DNAJC16: variants seen among roughly 807,000 people sequenced by gnomAD.
DNAJC16 encodes dnaJ homolog subfamily C member 16.
A neutral mutation model predicts 92.7 loss-of-function variants in DNAJC16; 76 were observed. That is an observed-to-expected ratio of 0.82 (90% confidence interval 0.68 to 0.99). DNAJC16 has a LOEUF of 0.99. Among genes scored for constraint, DNAJC16 ranks in the 50% least tolerant of loss-of-function variants. The pLI is 0.00. For missense variants in DNAJC16, 869 were observed against 942.4 expected (o/e 0.92, Z 1.02); for synonymous variants, 328 against 358.7 (o/e 0.91, Z 0.97).
In DNAJC16 at chr1:15,552,388, C is replaced by T. The variant is rs989292963; in HGVS notation, c.1023+3960C>T. On this transcript the variant is annotated intron_variant, in intron 7 of 14. Transcript: ENST00000375847. ...CCTGTAGTCCCAGCTATTCGGGAGGCGGAGGCAGAAGAATCACTTGAACCT... is the reference window on the plus strand; with the variant it reads ...CCTGTAGTCCCAGCTATTCGGGAGGTGGAGGCAGAAGAATCACTTGAACCT... Among the ~76,000 whole-genome samples the T allele has an allele frequency of 4.0e-5, 6 of 151,756 alleles. No individual in the cohort carries two copies. The East Asian group carries it at 7.8e-4, about 20-fold the overall frequency.
chr1:15,536,070 T>G (rs2103405465), intron 3 of DNAJC16, among the ~76,000 whole-genome samples: 1 of 78,192 alleles, frequency 1.3e-5, no homozygotes, highest in South Asian at 3.2e-4. Context: ...TTCTTTTCTT[T>G]TCTTTTTTTT....
At chr1:15,540,985 T>C (rs1710919367) in intron 4 of DNAJC16, among the ~76,000 whole-genome samples, 1 of 152,162 alleles carries the variant, frequency 6.6e-6, no homozygotes, top group Non-Finnish European at 1.5e-5. Context: ...TGTGGTCAGC[T>C]AGAACTAGAT....
intron 6 of DNAJC16, among the ~76,000 whole-genome samples, chr1:15,547,612 T>A (rs1408139328): frequency 1.3e-5 from 2 of 151,590 alleles, no homozygotes; most frequent in African/African-American, 4.9e-5. Context: ...TCGGCTAATT[T>A]TTGTGTTTTA....
At chr1:15,558,193 T>TC (rs200453368) in intron 7 of DNAJC16, among the ~76,000 whole-genome samples, 17,943 of 112,054 alleles carry the variant, frequency 0.16, 1,149 homozygotes, top group African/African-American at 0.27. Context: ...TTTTTTTTTT[T>TC]TTCTTGAGAC....
chr1:15,536,422 A>C, intron 3 of DNAJC16, 53 bp from the exon 4 acceptor site: 1 of 1,433,322 alleles, frequency 7.0e-7, no homozygotes, highest in Non-Finnish European at 9.3e-7. Flanking sequence ...CTTACAAAAA[A>C]GTCTTTTGGA....
chr1:15,564,242 C>T (rs753474280), intron 10 of DNAJC16, 41 bp from the exon 11 acceptor site: 91 of 1,533,522 alleles, frequency 5.9e-5, no homozygotes, highest in Non-Finnish European at 7.7e-5. Flanking sequence ...CTCTCCCTTC[C>T]GGCTTTAGTC....
Position 15,568,662 on chromosome 1 carries a change from C to G in DNAJC16, c.*485C>G. On this transcript the variant is annotated 3_prime_UTR_variant, in exon 15 of 15. Coordinates refer to ENST00000375847, the MANE Select transcript of DNAJC16 (RefSeq NM_015291.4). ...AACAACCCACGGCAGCTTCTAGCCC[C>G]GCATCTGGAAAAAGGCCCCTTTCCA... 1 of 399,152 alleles carries G rather than the reference C, an allele frequency of 2.5e-6. No individual in the cohort carries two copies. Among genetic ancestry groups the G allele is most frequent in the Non-Finnish European group, 4.4e-6 (1 of 226,492 alleles). 24.7% of individuals were successfully genotyped at this position (399,152 alleles called of 1,614,324 possible). A position where few individuals can be genotyped will look rare whatever the true frequency, so the allele number is the denominator to read the frequency against.
intron 1 of DNAJC16, 24 bp from the exon 2 acceptor site, chr1:15,529,064 T>C (rs1161449483): frequency 2.5e-6 from 4 of 1,605,838 alleles, no homozygotes; most frequent in Non-Finnish European, 3.4e-6. Context: ...CCACTGAAAC[T>C]CATTGCCTCT....
Position 15,570,801 on chromosome 1 carries a change from GC to G in DNAJC16, c.*2626del, listed in dbSNP as rs1254919146. ...GTTTACTTTTGCGTCAAACATATGA[GC>G]CATTGTCATGCTCAGCCTGTGCCAC... On this transcript the variant is annotated 3_prime_UTR_variant, in exon 15 of 15. Transcript: ENST00000375847. 1 of 152,196 alleles carries G rather than the reference GC, an allele frequency of 6.6e-6. No individual in the cohort carries two copies. The highest frequency in any genetic ancestry group is 2.4e-5 in the African/African-American group (1 of 41,444). 9.4% of individuals were successfully genotyped at this position (152,196 alleles called of 1,614,324 possible).
chr1:15,544,086 A>G lies in DNAJC16; in HGVS notation c.575-313A>G, dbSNP rs74054775. ...ATATATGGTTGGATGAAAGAACAAGAAAAGTTGTTCAAGTATTAAGTGAAA... is the reference window on the plus strand; with the variant it reads ...ATATATGGTTGGATGAAAGAACAAGGAAAGTTGTTCAAGTATTAAGTGAAA... On this transcript the variant is annotated intron_variant, in intron 4 of 14. Coordinates refer to ENST00000375847, the MANE Select transcript of DNAJC16 (RefSeq NM_015291.4). 7.0e-3 allele frequency among the ~76,000 whole-genome samples: 1,060 copies of G among 151,904 alleles called. 11 individuals are homozygous for G. Among genetic ancestry groups the G allele is most frequent in the African/African-American group, 0.024 (1,004 of 41,372 alleles).
rs920973523 is a variant in DNAJC16, at chr1:15,571,313, G to T, written c.*3136G>T. On this transcript the variant is annotated 3_prime_UTR_variant, in exon 15 of 15. Transcript: ENST00000375847. ...TCTGTTATAAAAAGAAGTGTGATCT[G>T]TTTTTTTAGTGATTTCCTTTGTTTG... is the stretch of plus-strand genomic sequence containing the variant. 11 of 152,308 alleles carry T rather than the reference G, an allele frequency of 7.2e-5. No individual in the cohort carries two copies. The highest frequency in any genetic ancestry group is 6.6e-5 in the Admixed American group (1 of 15,266). 9.4% of individuals were successfully genotyped at this position (152,308 alleles called of 1,614,324 possible). A position where few individuals can be genotyped will look rare whatever the true frequency, so the allele number is the denominator to read the frequency against.
Position 15,546,846 on chromosome 1 carries a change from C to T in DNAJC16, c.839C>T (p.Thr280Met), listed in dbSNP as rs773532978. The change falls in exon 6 of 15, where the codon ACG becomes ATG. Residue 280 changes from threonine to methionine, a missense_variant. Thr to Met is a moderately conservative substitution (Grantham distance 81). Coordinates refer to ENST00000375847, the MANE Select transcript of DNAJC16 (RefSeq NM_015291.4). ...NKPHVLLFDQ[T>M]PIVPLLYKLT... The stretch of plus-strand genomic sequence containing the variant: ...CCTCATGTCCTTCTGTTTGACCAAA[C>T]GCCCATTGTGCCACTGTTATACAAG... 26 of 1,613,178 alleles carry T rather than the reference C, an allele frequency of 1.6e-5. No homozygotes were observed. The highest frequency in any genetic ancestry group is 1.9e-5 in the Non-Finnish European group (23 of 1,179,708).
At position 15,567,255 on chromosome 1, in the gene DNAJC16, C is replaced by T. The variant is rs752725156; in HGVS notation, c.1935C>T (p.Val645=). 2 of 1,613,670 alleles carry T rather than the reference C, an allele frequency of 1.2e-6. No individual in the cohort carries two copies. Among genetic ancestry groups the T allele is most frequent in the Non-Finnish European group, 1.7e-6 (2 of 1,179,692 alleles). The change falls in exon 14 of 15, where the codon GTC becomes GTT. Residue 645 remains valine (V), a synonymous_variant. Coordinates refer to ENST00000375847, the MANE Select transcript of DNAJC16 (RefSeq NM_015291.4). ...TACTACAGAAATTTGCTTTGGAGGT[C>T]TACACATTTACTGGGTAAGCATGTG... ...TSLLQKFALE[V]YTFTGSSCLH...
In DNAJC16 at chr1:15,529,149, T is replaced by C. The variant is rs765602702; in HGVS notation, c.44T>C (p.Val15Ala). ...AGCATTTCCTGGCAGTTCTTGATAG[T>C]TCTGGTTCTGATCCTGCAAATTCTG... is the stretch of plus-strand genomic sequence containing the variant. Reference protein sequence around the residue: ...KLSISWQFLIVLVLILQILSA... With the variant: ...KLSISWQFLIALVLILQILSA... The change falls in exon 2 of 15, where the codon GTT becomes GCT. Residue 15 changes from valine (V) to alanine (A), a missense_variant. By Grantham distance (64) the Val-to-Ala change is moderately conservative. Coordinates refer to ENST00000375847, the MANE Select transcript of DNAJC16 (RefSeq NM_015291.4). The C allele has an allele frequency of 3.1e-6, 5 of 1,614,004 alleles. No homozygotes were observed. The South Asian group carries it at 4.4e-5, about 14-fold the overall frequency.
intron 5 of DNAJC16, 111 bp from the exon 6 acceptor site, chr1:15,546,656 A>T (rs997863670): frequency 3.9e-5 from 31 of 794,562 alleles, no homozygotes; most frequent in Non-Finnish European, 5.5e-5. Flanking sequence ...CTGCATTTTT[A>T]TTTTTTGCAA....
Position 15,571,154 on chromosome 1 carries a change from A to G in DNAJC16, c.*2977A>G, listed in dbSNP as rs187102849. On this transcript the variant is annotated 3_prime_UTR_variant, in exon 15 of 15. Coordinates refer to ENST00000375847, the MANE Select transcript of DNAJC16 (RefSeq NM_015291.4). ...GGCCATGGTCTCACTGCCATCACTT[A>G]TTAGCCATGAGAATTTGGTTGTAGT... The G allele has an allele frequency of 2.0e-5, 3 of 152,254 alleles. No individual in the cohort carries two copies. In the East Asian group the frequency reaches 5.8e-4, roughly 29 times the overall value. The allele number at this position is 152,254 out of a possible 1,614,324, so 9.4% of individuals were successfully genotyped here. A position where few individuals can be genotyped will look rare whatever the true frequency, so the allele number is the denominator to read the frequency against.
At chr1:15,554,728 T>A (rs929539727) in intron 7 of DNAJC16, among the ~76,000 whole-genome samples, 2 of 152,168 alleles carry the variant, frequency 1.3e-5, no homozygotes, top group African/African-American at 4.8e-5. Flanking sequence ...CTTACTGGTG[T>A]CTTATTGGGT....
Position 15,559,670 on chromosome 1 carries a change from G to T in DNAJC16, c.1154+14G>T. The T allele has an allele frequency of 3.7e-6, 6 of 1,612,208 alleles. 1 individual carries two copies. Among genetic ancestry groups the T allele is most frequent in the South Asian group, 2.2e-5 (2 of 90,846 alleles). On this transcript the variant is annotated intron_variant, in intron 8 of 14. Coordinates refer to ENST00000375847, the MANE Select transcript of DNAJC16 (RefSeq NM_015291.4). Reference sequence around the variant, plus strand: ...TCGACAGAGGAAGTAAGGACTTAAGGCTTTGCCTCTGCTTGTTATTACAAT... The same window carrying T: ...TCGACAGAGGAAGTAAGGACTTAAGTCTTTGCCTCTGCTTGTTATTACAAT...
chr1:15,548,351 C>A lies in DNAJC16; in HGVS notation c.946C>A (p.Arg316=). The A allele has an allele frequency of 6.2e-7, 1 of 1,614,028 alleles. No homozygotes were observed. The highest frequency in any genetic ancestry group is 1.1e-5 in the South Asian group (1 of 91,078). Residue 316 remains arginine (R), a synonymous_variant, in exon 7 of 15, where the codon CGG becomes AGG. Coordinates refer to ENST00000375847, the MANE Select transcript of DNAJC16 (RefSeq NM_015291.4). ...GLRGTEEMTR[R]YNINIYAPTL... Reference sequence around the variant, plus strand: ...GAGAGGGACGGAAGAGATGACAAGGCGGTACAACATCAATATCTACGCCCC... The same window carrying A: ...GAGAGGGACGGAAGAGATGACAAGGAGGTACAACATCAATATCTACGCCCC...
Sources: allele counts gnomAD v4.1 joint callset (sites outside exome capture counted in the v4.1 genomes callset), GRCh38; gene constraint gnomAD v4.1.1; transcripts MANE v1.5; gene names NCBI Gene and HGNC (gene_info 2026-07-23, HGNC 2026-07-21).